Variants in PNPLA7 observed in about 807,000 individuals in gnomAD.
PNPLA7 encodes the protein patatin-like phospholipase domain-containing protein 7.
A neutral mutation model predicts 161.7 loss-of-function variants in PNPLA7; 153 were observed. The observed-to-expected ratio is 0.95, with a 90% CI of 0.83 to 1.08. The LOEUF is 1.08. Among genes scored for constraint, PNPLA7 ranks in the 50% least tolerant of loss-of-function variants. The pLI, the probability that PNPLA7 is intolerant of heterozygous loss-of-function variation, is 0.00. For synonymous variants in PNPLA7, 809 were observed against 782.1 expected (o/e 1.03, Z -0.57); for missense variants, 1,739 against 1,856.6 (o/e 0.94, Z 1.16).
chr9:137,462,604 C>G, intron 30 of PNPLA7, 81 bp downstream of exon 30: 2 of 1,543,074 alleles, frequency 1.3e-6, no homozygotes, highest in Non-Finnish European at 1.8e-6. Flanking sequence ...AGGAGCGACC[C>G]CCACTCCCCT....
intron 8 of PNPLA7, among the ~76,000 whole-genome samples, chr9:137,527,069 C>G (rs979386730): frequency 2.6e-5 from 4 of 151,996 alleles, no homozygotes; most frequent in African/African-American, 9.7e-5. Flanking sequence ...GAATTCAAGA[C>G]CAGCCTGGCC....
At position 137,515,417 on chromosome 9, in the gene PNPLA7, T is replaced by C; in HGVS notation, c.1187A>G (p.Lys396Arg). 2 of 1,604,316 alleles carry C rather than the reference T, an allele frequency of 1.2e-6. No homozygotes were observed. Among genetic ancestry groups the C allele is most frequent in the Non-Finnish European group, 1.7e-6 (2 of 1,176,542 alleles). The change falls in exon 12 of 35, where the codon AAG becomes AGG. Residue 396 changes from lysine (K) to arginine (R), a missense_variant. Around this residue, in one of 6 missense-constraint regions of PNPLA7, gnomAD observed 481 missense variants for 450.0 expected, o/e 1.07. Transcript: ENST00000406427. The stretch of plus-strand genomic sequence containing the variant: ...AGGGTCAGGGTCACCTGCCCCGGGC[T>C]TCTCCAGCTCCTCCAAGATCTGTTT... Reference protein sequence around the residue: ...IRKQILEELEKPGAGDPDPSA... With the variant: ...IRKQILEELERPGAGDPDPSA...
At position 137,508,544 on chromosome 9, in the gene PNPLA7, G is replaced by A. The variant is rs563453960; in HGVS notation, c.1226-2461C>T. ...ATCGCACTATTGCATTCCAGCCTGG[G>A]CAACAAGAGCGAGACTCTGTCTCAA... On this transcript the variant is annotated intron_variant, in intron 12 of 34. Transcript: ENST00000406427. 3.1e-4 allele frequency among the ~76,000 whole-genome samples: 47 copies of A among 151,722 alleles called. No homozygotes were observed. The South Asian group carries it at 7.9e-3, about 26-fold the overall frequency.
In PNPLA7 at chr9:137,541,031, T is replaced by G. The variant is rs1836174299; in HGVS notation, c.667-309A>C. On this transcript the variant is annotated intron_variant, in intron 7 of 34. Coordinates refer to ENST00000406427, the MANE Select transcript of PNPLA7 (RefSeq NM_001098537.3). This position sits in a 1 kb window ranked among gnomAD's most constrained non-coding sequence, Gnocchi z 4.4. ...GCCTGTTTGTTTGCTGAGCTAACTA[T>G]AAGGACTCCGAGGACCGATTCAGTT... Among the ~76,000 whole-genome samples the G allele has an allele frequency of 6.6e-6, 1 of 152,190 alleles. No individual in the cohort carries two copies. Among genetic ancestry groups the G allele is most frequent in the African/African-American group, 2.4e-5 (1 of 41,440 alleles).
rs1008498308 is a variant in PNPLA7, at chr9:137,467,713, C to T, written c.2883-240G>A. 2.0e-5 allele frequency among the ~76,000 whole-genome samples: 3 copies of T among 152,212 alleles called. No homozygotes were observed. The highest frequency in any genetic ancestry group is 2.9e-5 in the Non-Finnish European group (2 of 68,040). On this transcript the variant is annotated intron_variant, in intron 25 of 34. Transcript: ENST00000406427. The surrounding 1 kb of genome is among the most constrained non-coding windows in gnomAD (Gnocchi z 5.1). ...AGGAGTTCGAGACCAGCCTGGCCAA[C>T]AGGGCAAAATTCCATCTCTACTAAA...
Position 137,523,281 on chromosome 9 carries a change from C to T in PNPLA7, c.748-424G>A, listed in dbSNP as rs781720442. Among the ~76,000 whole-genome samples the T allele has an allele frequency of 3.3e-5, 5 of 152,272 alleles. No homozygotes were observed. Among genetic ancestry groups the T allele is most frequent in the African/African-American group, 4.8e-5 (2 of 41,562 alleles). On this transcript the variant is annotated intron_variant, in intron 8 of 34. Transcript: ENST00000406427. This position sits in a 1 kb window ranked among gnomAD's most constrained non-coding sequence, Gnocchi z 4.4. The stretch of plus-strand genomic sequence containing the variant: ...TGAGCGGGCTTCCTAAAAAGGCCAC[C>T]GAGAGGGTCAGGAGCCACCACTGTC...
chr9:137,487,473 C>T (rs1304855898), intron 20 of PNPLA7, among the ~76,000 whole-genome samples: 1 of 152,350 alleles, frequency 6.6e-6, no homozygotes, highest in Admixed American at 6.5e-5. Context: ...AAGGACCCTG[C>T]CTGACGCATG....
chr9:137,519,560 A>G (rs1352200352), intron 11 of PNPLA7, among the ~76,000 whole-genome samples: 2 of 152,156 alleles, frequency 1.3e-5, no homozygotes, highest in Non-Finnish European at 2.9e-5. Context: ...AGATGGGCAC[A>G]CCTGATGAGA....
At chr9:137,522,677 C>T in intron 9 of PNPLA7, 52 bp downstream of exon 9, 2 of 1,604,054 alleles carry the variant, frequency 1.2e-6, no homozygotes, top group Non-Finnish European at 1.7e-6. Context: ...TGCCCAGGCC[C>T]CCCCAGGGTG....
intron 25 of PNPLA7, among the ~76,000 whole-genome samples, chr9:137,473,757 C>G (rs1189604426): frequency 1.3e-5 from 2 of 152,196 alleles, no homozygotes; most frequent in Non-Finnish European, 2.9e-5. Flanking sequence ...TGAGACACCA[C>G]TGCAGACCAT....
chr9:137,496,124 G>T (rs1457557422), intron 18 of PNPLA7, among the ~76,000 whole-genome samples: 2 of 147,692 alleles, frequency 1.4e-5, no homozygotes, highest in Non-Finnish European at 3.0e-5. Flanking sequence ...TTTTCAGACG[G>T]AGTTTAGTTT....
Position 137,464,497 on chromosome 9 carries a change from C to T in PNPLA7, c.3040-41G>A, listed in dbSNP as rs1379817451. ...GAATTTACAGAAGGCTTCCACCCTC[C>T]CTGCGGGCTGCCACAGCAGACACGT... On this transcript the variant is annotated intron_variant, in intron 26 of 34. Coordinates refer to ENST00000406427, the MANE Select transcript of PNPLA7 (RefSeq NM_001098537.3). 3 of 1,568,572 alleles carry T rather than the reference C, an allele frequency of 1.9e-6. No individual in the cohort carries two copies. The South Asian group carries it at 3.3e-5, about 17-fold the overall frequency.
chr9:137,461,685 C>A, intron 32 of PNPLA7, 65 bp from the exon 33 acceptor site: 1 of 1,487,688 alleles, frequency 6.7e-7, no homozygotes, highest in Admixed American at 1.9e-5. Flanking sequence ...CAGCCTGCTT[C>A]CTGTGGGGAG....
intron 21 of PNPLA7, among the ~76,000 whole-genome samples, chr9:137,484,038 C>T (rs1278487888): frequency 6.6e-6 from 1 of 151,810 alleles, no homozygotes; most frequent in Non-Finnish European, 1.5e-5. Context: ...CGGGTTCAAG[C>T]GATTCTCCTG....
chr9:137,475,448 C>T (rs946570524), intron 25 of PNPLA7, among the ~76,000 whole-genome samples: 1 of 152,218 alleles, frequency 6.6e-6, no homozygotes, highest in Non-Finnish European at 1.5e-5. Context: ...AATCTCAGCT[C>T]ACTGTAAGCT....
chr9:137,462,754 G>T lies in PNPLA7; in HGVS notation c.3423C>A (p.Asn1141Lys). ...VGSRDETDLTNYGDALSGWWL... is the reference protein window; with the variant it reads ...VGSRDETDLTKYGDALSGWWL... Reference sequence around the variant, plus strand: ...ACCACCCAGACAGCGCATCCCCATAGTTGGTGAGGTCCGTCTCATCTCGGC... The same window carrying T: ...ACCACCCAGACAGCGCATCCCCATATTTGGTGAGGTCCGTCTCATCTCGGC... The change falls in exon 30 of 35, where the codon AAC becomes AAA. Residue 1141 changes from asparagine (N) to lysine (K), a missense_variant. Asn to Lys is a moderately conservative substitution (Grantham distance 94). Transcript: ENST00000406427. 6.2e-7 allele frequency: 1 copy of T among 1,613,980 alleles called. No individual in the cohort carries two copies. The highest frequency in any genetic ancestry group is 1.1e-5 in the South Asian group (1 of 91,080).
chr9:137,539,024 C>G (rs565715260), intron 8 of PNPLA7, among the ~76,000 whole-genome samples: 4 of 152,146 alleles, frequency 2.6e-5, no homozygotes, highest in Non-Finnish European at 5.9e-5. Flanking sequence ...TGCACTCCAG[C>G]CTGGGCAACA....
At position 137,462,142 on chromosome 9, in the gene PNPLA7, C is replaced by A. The variant is rs569336556; in HGVS notation, c.3645+37G>T. On this transcript the variant is annotated intron_variant, in intron 31 of 34. Transcript: ENST00000406427. ...AGGAGGGGCAGCCACCAGAGTGCCTCCGCCCGCCTCCGCCGCCGCGGGTGG... is the reference window on the plus strand; with the variant it reads ...AGGAGGGGCAGCCACCAGAGTGCCTACGCCCGCCTCCGCCGCCGCGGGTGG... The A allele has an allele frequency of 4.1e-5, 63 of 1,534,400 alleles. 3 individuals carry two copies. The South Asian group carries it at 7.1e-4, about 17-fold the overall frequency.
At chr9:137,461,815 G>T (rs888497321) in intron 32 of PNPLA7, 116 bp downstream of exon 32, 3 of 1,267,712 alleles carry the variant, frequency 2.4e-6, no homozygotes, top group African/African-American at 3.0e-5. Context: ...TTGGCCAGGG[G>T]GGCAGGGCCT....
Sources: gnomAD v4.1 joint callset for allele counts (sites outside exome capture counted in the v4.1 genomes callset) on GRCh38, gnomAD v4.1.1 for gene constraint, gnomAD v4.1.1 regional missense constraint, Gnocchi (gnomAD v3.1) non-coding constraint, MANE v1.5 for transcripts, NCBI Gene and HGNC (gene_info 2026-07-23, HGNC 2026-07-21) for gene names.